Variants in MAGI1 observed in about 807,000 individuals in gnomAD.
MAGI1 encodes the protein membrane-associated guanylate kinase, WW and PDZ domain-containing protein 1.
A neutral mutation model predicts 139.9 loss-of-function variants in MAGI1; 58 were observed. The ratio of observed to expected loss-of-function variants is 0.41; its 90% confidence interval spans 0.34 to 0.52. MAGI1 has a LOEUF of 0.52. Among genes scored for constraint, MAGI1 ranks in the 20% least tolerant of loss-of-function variants. MAGI1 has a pLI of 0.12. For missense variants in MAGI1, 1,874 were observed against 1,901.6 expected, an observed-to-expected ratio of 0.99 and a Z score of 0.27; for synonymous variants, 812 against 737.9, an observed-to-expected ratio of 1.10 and a Z score of -1.63.
intron 1 of MAGI1, among the ~76,000 whole-genome samples, chr3:65,883,768 G>T (rs36016219): frequency 6.6e-6 from 1 of 152,048 alleles, no homozygotes; most frequent in African/African-American, 2.4e-5. Flanking sequence ...TCAGACAGAG[G>T]GAGAAACAAT....
intron 1 of MAGI1, among the ~76,000 whole-genome samples, chr3:65,857,332 A>G (rs1161195027): frequency 6.6e-6 from 1 of 152,224 alleles, no homozygotes; most frequent in East Asian, 1.9e-4. Flanking sequence ...TGCTGCAGAG[A>G]TGTCCTATTC....
At chr3:65,662,000 G>A in intron 1 of MAGI1, among the ~76,000 whole-genome samples, 1 of 152,004 alleles carries the variant, frequency 6.6e-6, no homozygotes, top group East Asian at 1.9e-4. Flanking sequence ...ACCTGCCTCA[G>A]CCTCCCAAAG....
At chr3:65,866,246 T>TAA (rs1288651760) in intron 1 of MAGI1, among the ~76,000 whole-genome samples, 1 of 151,748 alleles carries the variant, frequency 6.6e-6, no homozygotes, top group Admixed American at 6.6e-5. Flanking sequence ...CAGAGTCTTG[T>TAA]TTTGTTGCTC....
chr3:65,879,454 C>A (rs1344685258), intron 1 of MAGI1, among the ~76,000 whole-genome samples: 2 of 152,066 alleles, frequency 1.3e-5, no homozygotes, highest in African/African-American at 4.8e-5. Flanking sequence ...ACCTTATGAT[C>A]ATGTTATTAC....
Position 65,356,863 on chromosome 3 carries a change from C to T in MAGI1, c.3904G>A (p.Glu1302Lys). The T allele has an allele frequency of 6.2e-7, 1 of 1,614,100 alleles. No homozygotes were observed. Among genetic ancestry groups the T allele is most frequent in the African/African-American group, 1.3e-5 (1 of 75,072 alleles). Residue 1302 changes from glutamate (E) to lysine (K), a missense_variant, in exon 23 of 23, where the codon GAG (glutamate) becomes AAG (lysine). Glu to Lys is a moderately conservative substitution (Grantham distance 56). Coordinates refer to ENST00000402939, the MANE Select transcript of MAGI1 (RefSeq NM_001033057.2). ...TCGGCCTGCGCGTCCCTCCGTCCCTCCGGCGCCCGGTCCTTGGGTCGGCAT... is the reference window on the plus strand; with the variant it reads ...TCGGCCTGCGCGTCCCTCCGTCCCTTCGGCGCCCGGTCCTTGGGTCGGCAT... ...GACRPKDRAP[E>K]GRRDAQAERA... is the part of the protein sequence containing the mutation.
intron 1 of MAGI1, among the ~76,000 whole-genome samples, chr3:65,958,472 A>C (rs1371311518): frequency 6.6e-6 from 1 of 152,236 alleles, no homozygotes; most frequent in East Asian, 1.9e-4. Context: ...GCAATGACAA[A>C]GTCATTTCAT....
rs543881708 is a variant in MAGI1, at chr3:65,740,037, G to A, written c.314-117949C>T. On this transcript the variant is annotated intron_variant, in intron 1 of 22. Transcript: ENST00000402939. Reference sequence around the variant, plus strand: ...CAGTATCTGCAAAGTGCAATAGAGGGACACAATCAAAAGGATGTGCCTGGA... The same window carrying A: ...CAGTATCTGCAAAGTGCAATAGAGGAACACAATCAAAAGGATGTGCCTGGA... 9.9e-5 allele frequency among the ~76,000 whole-genome samples: 15 copies of A among 152,164 alleles called. No homozygotes were observed. The East Asian group carries it at 2.9e-3, about 29-fold the overall frequency.
intron 1 of MAGI1, among the ~76,000 whole-genome samples, chr3:65,691,577 T>G (rs1437205017): frequency 6.6e-6 from 1 of 152,180 alleles, no homozygotes; most frequent in Non-Finnish European, 1.5e-5. Context: ...CAGAACATTA[T>G]GTTCAGGAAA....
intron 2 of MAGI1, among the ~76,000 whole-genome samples, chr3:65,529,386 T>A (rs1002152196): frequency 1.3e-5 from 2 of 152,168 alleles, no homozygotes; most frequent in East Asian, 3.9e-4. Context: ...CTCCCCCAAG[T>A]TCCTGGCAAC....
intron 2 of MAGI1, among the ~76,000 whole-genome samples, chr3:65,601,955 G>C (rs1157130299): frequency 2.6e-5 from 4 of 152,072 alleles, no homozygotes; most frequent in Non-Finnish European, 2.9e-5. Flanking sequence ...GAATTCAATA[G>C]GCATTTCTCC....
intron 1 of MAGI1, among the ~76,000 whole-genome samples, chr3:65,901,414 A>G (rs1229463821): frequency 6.6e-6 from 1 of 152,198 alleles, no homozygotes; most frequent in Non-Finnish European, 1.5e-5. Context: ...TTGTTTTTAC[A>G]ATGTTTTAGT....
chr3:65,800,444 G>A (rs1385549309), intron 1 of MAGI1, among the ~76,000 whole-genome samples: 2 of 152,074 alleles, frequency 1.3e-5, no homozygotes, highest in African/African-American at 2.4e-5. Flanking sequence ...CAAAGAGTTA[G>A]AGGGAAACCT....
At chr3:66,007,781 GTAT>G (rs67966040) in intron 1 of MAGI1, among the ~76,000 whole-genome samples, 9,550 of 152,024 alleles carry the variant, frequency 0.063, 337 homozygotes, top group East Asian at 0.085. Flanking sequence ...CCATTTCAGT[GTAT>G]TTGCTATACT....
At chr3:65,813,845 G>A (rs1422867846) in intron 1 of MAGI1, among the ~76,000 whole-genome samples, 3 of 152,100 alleles carry the variant, frequency 2.0e-5, no homozygotes, top group Non-Finnish European at 4.4e-5. Flanking sequence ...ATTAAGTCCA[G>A]GGTTCTTCAA....
Position 65,366,677 on chromosome 3 carries a change from G to A in MAGI1, c.3197-1731C>T, listed in dbSNP as rs370555194. ...ATTCTCAGTGCCTCAGTTTTCTCGTGTGCACATTGGGAATAAGAGAATTAT... is the reference window on the plus strand; with the variant it reads ...ATTCTCAGTGCCTCAGTTTTCTCGTATGCACATTGGGAATAAGAGAATTAT... On this transcript the variant is annotated intron_variant, in intron 18 of 22. Transcript: ENST00000402939. 2.7e-4 allele frequency among the ~76,000 whole-genome samples: 41 copies of A among 152,206 alleles called. 2 individuals carry two copies. The highest frequency in any genetic ancestry group is 1.9e-3 in the Admixed American group (29 of 15,288).
intron 1 of MAGI1, among the ~76,000 whole-genome samples, chr3:66,037,261 G>T (rs1240322130): frequency 1.3e-5 from 2 of 152,192 alleles, no homozygotes; most frequent in Non-Finnish European, 2.9e-5. Context: ...ACAGAGCCGG[G>T]CATGTAGTAA....
At chr3:65,387,320 T>C (rs1943530294) in intron 14 of MAGI1, 5 of 873,702 alleles carry the variant, frequency 5.7e-6, no homozygotes, top group Admixed American at 2.1e-5. Context: ...GAACAGTCAG[T>C]TCAGCTTTCA....
chr3:65,360,907 C>T lies in MAGI1; in HGVS notation c.3634+292G>A. On this transcript the variant is annotated intron_variant, in intron 22 of 22. Transcript: ENST00000402939. ...ATCTGAGGAACAGTTTGGCACAGTA[C>T]AAACAAACATTCCTTCGCTCTTGGT... 8 of 1,360,810 alleles carry T rather than the reference C, an allele frequency of 5.9e-6. No homozygotes were observed. In the South Asian group the frequency reaches 1.3e-4, roughly 22 times the overall value. 84.3% of individuals were successfully genotyped at this position (1,360,810 alleles called of 1,614,324 possible).
chr3:65,440,441 C>T (rs549611971), intron 8 of MAGI1, among the ~76,000 whole-genome samples: 35 of 152,094 alleles, frequency 2.3e-4, no homozygotes, highest in Non-Finnish European at 3.5e-4. Context: ...TCCAAGATAC[C>T]ACCTGACAGG....
Sources: allele counts gnomAD v4.1 joint callset (sites outside exome capture counted in the v4.1 genomes callset), GRCh38; gene constraint gnomAD v4.1.1; transcripts MANE v1.5; gene names NCBI Gene and HGNC (gene_info 2026-07-23, HGNC 2026-07-21).